Variants in DACT2 observed in about 807,000 individuals in gnomAD.
DACT2 encodes dishevelled binding antagonist of beta catenin 2.
A neutral mutation model predicts 22.2 loss-of-function variants in DACT2; 20 were observed. The ratio of observed to expected loss-of-function variants is 0.90; its 90% CI spans 0.63 to 1.31. DACT2 has a LOEUF of 1.31. Ranked by LOEUF, DACT2 falls within the 50% of genes most tolerant of loss-of-function variation. The pLI is 0.00. For synonymous variants in DACT2, 463 were observed against 479.8 expected (o/e 0.96, Z 0.46); for missense variants, 1,048 against 1,061.4 (o/e 0.99, Z 0.18).
chr6:168,305,010 C>T (rs1423892136), downstream of DACT2, among the ~76,000 whole-genome samples: 1 of 152,098 alleles, frequency 6.6e-6, no homozygotes, highest in Non-Finnish European at 1.5e-5. Flanking sequence ...AACTGAAATG[C>T]ATGTTTGGGC....
At chr6:168,292,972 A>G (rs1042636231) in exon 6 of DACT2, 2 of 152,208 alleles carry the variant, frequency 1.3e-5, no homozygotes, top group Non-Finnish European at 2.9e-5. Flanking sequence ...TTCTATGAAC[A>G]TAAGATACAA....
chr6:168,296,631 C>A (rs1036821580), intron 3 of DACT2, among the ~76,000 whole-genome samples: 2 of 152,196 alleles, frequency 1.3e-5, no homozygotes, highest in African/African-American at 4.8e-5. Context: ...GAATCAGCAG[C>A]AGAGCTCTCC....
At position 168,307,969 on chromosome 6, in the gene DACT2, T is replaced by C. The variant is rs1446427779; in HGVS notation, c.1788A>G (p.Ser596=). Residue 596 remains serine, a synonymous_variant, in exon 4 of 4, where the codon TCA becomes TCG. Transcript: ENST00000366795. This position sits in a 1 kb window ranked among gnomAD's most constrained non-coding sequence, Gnocchi z 5.3. ...SAQALFPFEA[S]LLTSVARRKH... ...TCCTCCTGGCCACTGAGGTGAGCAG[T>C]GACGCCTCAAAGGGGAACAGGGCTT... 6.4e-7 allele frequency: 1 copy of C among 1,551,016 alleles called. No individual in the cohort carries two copies. Among genetic ancestry groups the C allele is most frequent in the South Asian group, 1.2e-5 (1 of 84,048 alleles).
At chr6:168,313,446 A>G (rs1239122784) in intron 1 of DACT2, among the ~76,000 whole-genome samples, 3 of 152,202 alleles carry the variant, frequency 2.0e-5, no homozygotes, top group African/African-American at 7.2e-5. Flanking sequence ...ACGTAAACAT[A>G]CTGGCTCCTT....
chr6:168,313,187 G>A (rs1779463426), intron 1 of DACT2, among the ~76,000 whole-genome samples: 1 of 152,096 alleles, frequency 6.6e-6, no homozygotes, highest in Non-Finnish European at 1.5e-5. Flanking sequence ...GCTGGTACAG[G>A]TGCCTGCCAC....
At position 168,308,298 on chromosome 6, in the gene DACT2, G is replaced by C; in HGVS notation, c.1459C>G (p.Leu487Val). Residue 487 changes from leucine (L) to valine (V), a missense_variant, in exon 4 of 4, where the codon CTG becomes GTG. Physicochemically the swap from Leu to Val is conservative, Grantham distance 32. Transcript: ENST00000366795. ...HFAHPSFAAS[L>V]KMGPPKSKAE... is the part of the protein sequence containing the mutation. ...TTGCTCTTGGGGGGACCCATTTTCA[G>C]GCTGGCAGCAAAGGATGGGTGGGCA... 6.4e-7 allele frequency: 1 copy of C among 1,552,274 alleles called. No individual in the cohort carries two copies. Among genetic ancestry groups the C allele is most frequent in the Non-Finnish European group, 8.7e-7 (1 of 1,147,128 alleles).
chr6:168,293,220 T>C (rs1778943491), exon 6 of DACT2: 1 of 152,280 alleles, frequency 6.6e-6, no homozygotes, highest in Non-Finnish European at 1.5e-5. Flanking sequence ...AAAAACACCA[T>C]AACCAAACAT....
intron 3 of DACT2, among the ~76,000 whole-genome samples, chr6:168,309,464 C>CGGGGCCGTTTGCGTATAGACACAGGGTGT (rs1562497048): frequency 6.6e-5 from 10 of 152,212 alleles, no homozygotes; most frequent in African/African-American, 2.2e-4. Context: ...ACACAGGGTG[C>CGGGGCCGTTTGCGTATAGACACAGGGTGT]GGGGCCCTAT....
chr6:168,307,818 G>C lies in DACT2; in HGVS notation c.1939C>G (p.Arg647Gly), dbSNP rs1044195917. Residue 647 changes from arginine (R) to glycine (G), a missense_variant, in exon 4 of 4, where the codon CGT becomes GGT. Coordinates refer to ENST00000366795, the MANE Select transcript of DACT2 (RefSeq NM_214462.5). This position sits in a 1 kb window ranked among gnomAD's most constrained non-coding sequence, Gnocchi z 5.3. Reference protein sequence around the residue: ...RRAGGPLARGRPSLVRQDAYT... With the variant: ...RRAGGPLARGGPSLVRQDAYT... The stretch of plus-strand genomic sequence containing the variant: ...GCGTCCTGGCGGACCAGTGAGGGAC[G>C]GCCCCGGGCCAGTGGGCCACCTGCT... The C allele has an allele frequency of 7.8e-6, 12 of 1,538,908 alleles. No individual in the cohort carries two copies. Among genetic ancestry groups the C allele is most frequent in the African/African-American group, 1.4e-5 (1 of 72,904 alleles).
In DACT2 at chr6:168,307,903, C is replaced by A; in HGVS notation, c.1854G>T (p.Arg618=). The change falls in exon 4 of 4, where the codon CGG becomes CGT. Residue 618 remains arginine, a synonymous_variant. Transcript: ENST00000366795. The surrounding 1 kb of genome is among the most constrained non-coding windows in gnomAD (Gnocchi z 5.3). ...ACTCAGGACAGCTGGCCAGGCGGGC[C>A]CGGGCCGAGATCTCCACGGTGGACT... The part of the protein sequence containing the change: ...RWQSTVEISA[R]ARLASCPESN... The A allele has an allele frequency of 7.3e-7, 1 of 1,374,054 alleles. No homozygotes were observed. The allele number at this position is 1,374,054 out of a possible 1,614,324, so 85.1% of individuals were successfully genotyped here. A position where few individuals can be genotyped will look rare whatever the true frequency, so the allele number is the denominator to read the frequency against.
intron 3 of DACT2, among the ~76,000 whole-genome samples, chr6:168,301,087 T>C (rs953995202): frequency 6.6e-6 from 1 of 151,844 alleles, no homozygotes; most frequent in Non-Finnish European, 1.5e-5. Flanking sequence ...CATGGAAGAG[T>C]CTCCGGTTTT....
chr6:168,312,608 G>C (rs1779449337), intron 1 of DACT2, among the ~76,000 whole-genome samples: 1 of 152,232 alleles, frequency 6.6e-6, no homozygotes, highest in Admixed American at 6.5e-5. Context: ...GTGTGTACAT[G>C]TGTGCGTGTG....
exon 6 of DACT2, chr6:168,293,334 A>G (rs1778945061): frequency 6.5e-6 from 1 of 152,706 alleles, no homozygotes; most frequent in Admixed American, 6.5e-5. Context: ...CTCAAAAAAT[A>G]TTAAATTTTC....
Position 168,310,386 on chromosome 6 carries a change from C to G in DACT2, c.440G>C (p.Cys147Ser). ...CAGCGAGGGAGAGATGTGGTCACTG[C>G]AGACGGAGGCACAGGACGTGGACAG... Reference protein sequence around the residue: ...CSLSTSCASVCSDHISPSLGS... With the variant: ...CSLSTSCASVSSDHISPSLGS... Residue 147 changes from cysteine to serine, a missense_variant, in exon 3 of 4, where the codon TGC (cysteine) becomes TCC (serine). Coordinates refer to ENST00000366795, the MANE Select transcript of DACT2 (RefSeq NM_214462.5). 1 of 1,551,606 alleles carries G rather than the reference C, an allele frequency of 6.4e-7. No individual in the cohort carries two copies. Among genetic ancestry groups the G allele is most frequent in the South Asian group, 1.2e-5 (1 of 84,032 alleles).
At chr6:168,299,258 G>A (rs1779060889) in intron 3 of DACT2, 1 of 152,144 alleles carries the variant, frequency 6.6e-6, no homozygotes, top group African/African-American at 2.4e-5. Flanking sequence ...GGCATAATTT[G>A]TTTCAGTTGT....
intron 3 of DACT2, among the ~76,000 whole-genome samples, chr6:168,295,126 C>T (rs1190805776): frequency 2.0e-5 from 3 of 152,194 alleles, no homozygotes; most frequent in South Asian, 2.1e-4. Context: ...TCCTGAGCCG[C>T]GTGGGCAGCT....
At position 168,308,317 on chromosome 6, in the gene DACT2, GT is replaced by G; in HGVS notation, c.1439del (p.His480ProfsTer8). The G allele has an allele frequency of 6.4e-7, 1 of 1,552,196 alleles. No homozygotes were observed. Among genetic ancestry groups the G allele is most frequent in the Non-Finnish European group, 8.7e-7 (1 of 1,147,110 alleles). On this transcript the variant is annotated frameshift_variant, in exon 4 of 4. Coordinates refer to ENST00000366795, the MANE Select transcript of DACT2 (RefSeq NM_214462.5). LOFTEE classifies it low-confidence loss of function (END_TRUNC). Reference sequence around the variant, plus strand: ...TTTTCAGGCTGGCAGCAAAGGATGGGTGGGCAAAGTGCCCAGAGGCCGGTGA... The same window carrying G: ...TTTTCAGGCTGGCAGCAAAGGATGGGGGGCAAAGTGCCCAGAGGCCGGTGA... ...SPSPASGHFA[H>X]PSFAASLKMG...
chr6:168,312,773 C>G (rs1442875312), intron 1 of DACT2, among the ~76,000 whole-genome samples: 1 of 152,066 alleles, frequency 6.6e-6, no homozygotes, highest in Non-Finnish European at 1.5e-5. Context: ...CCCCTGAGCC[C>G]CATAACCTAG....
At chr6:168,306,407 G>GT (rs779953331), downstream of DACT2, among the ~76,000 whole-genome samples, 719 of 144,232 alleles carry the variant, frequency 5.0e-3, 3 homozygotes, top group African/African-American at 0.018. Context: ...CAAAAAAAAA[G>GT]TTTTTTTTTT....
Sources: gnomAD v4.1 joint callset for allele counts (sites outside exome capture counted in the v4.1 genomes callset) on GRCh38, gnomAD v4.1.1 for gene constraint, Gnocchi (gnomAD v3.1) non-coding constraint, MANE v1.5 for transcripts, NCBI Gene and HGNC (gene_info 2026-07-23, HGNC 2026-07-21) for gene names.